FUS: variants seen among roughly 807,000 people sequenced by gnomAD.
FUS encodes the protein FUS RNA binding protein, also known as RNA-binding protein FUS.
FUS carries 5 observed loss-of-function variants against 82.7 expected under a neutral mutation model. The observed-to-expected ratio is 0.06, with a 90% CI of 0.03 to 0.13. FUS has a LOEUF of 0.13. Among genes scored for constraint, FUS ranks in the 10% least tolerant of loss-of-function variants. The probability of loss-of-function intolerance (pLI) is 1.00; values close to 1 mark genes in which losing one functional copy is unlikely to be tolerated. For synonymous variants in FUS, 281 were observed against 247.4 expected (o/e 1.14, Z -1.27); for missense variants, 512 against 707.8 (o/e 0.72, Z 3.14).
At position 31,182,571 on chromosome 16, in the gene FUS, T is replaced by G; in HGVS notation, c.97T>G (p.Tyr33Asp). ...CTATTCCCAGCAGAGCAGTCAGCCC[T>G]ACGGACAGCAGAGTTACAGTGGTTA... Reference protein sequence around the residue: ...QGYSQQSSQPYGQQSYSGYSQ... With the variant: ...QGYSQQSSQPDGQQSYSGYSQ... The change falls in exon 3 of 15, where the codon TAC (tyrosine) becomes GAC (aspartate). Residue 33 changes from tyrosine to aspartate, a missense_variant. Tyr to Asp is a radical substitution (Grantham distance 160). Around this residue, in one of 6 missense-constraint regions of FUS, gnomAD observed 276 missense variants for 303.3 expected, o/e 0.91. Coordinates refer to ENST00000254108, the MANE Select transcript of FUS (RefSeq NM_004960.4). The G allele has an allele frequency of 1.2e-6, 2 of 1,614,170 alleles. No homozygotes were observed. The highest frequency in any genetic ancestry group is 8.5e-7 in the Non-Finnish European group (1 of 1,180,016).
At chr16:31,189,972 C>T (rs538248567) in intron 10 of FUS, 68 bp from the exon 11 acceptor site, 2 of 1,557,334 alleles carry the variant, frequency 1.3e-6, no homozygotes, top group Middle Eastern at 3.8e-4. Flanking sequence ...GAAAGGCACG[C>T]TTCTCTTGTA....
In FUS at chr16:31,182,374, T is replaced by C. The variant is rs540277997; in HGVS notation, c.14-24T>C. On this transcript the variant is annotated intron_variant, in intron 1 of 14. Transcript: ENST00000254108. ...CTTTCAGAGTGGCAGCTGAAGATAA[T>C]GTGATTGTATTTTTCTTTTGCAGAT... The C allele has an allele frequency of 4.5e-5, 73 of 1,613,682 alleles. 1 individual carries two copies. In the East Asian group the frequency reaches 1.5e-3, roughly 34 times the overall value.
rs756437417 is a variant in FUS at position 31,185,061 on chromosome 16, CGCGGCAGGGGTGGCAGTGGTGGCGGCG to C, written c.652_678del (p.Arg218_Gly226del). On this transcript the variant is annotated inframe_deletion, in exon 6 of 15. Transcript: ENST00000254108. ...CTATGGACAGCAGGACCGTGGAGGC[CGCGGCAGGGGTGGCAGTGGTGGCGGCG>C]GCGGCGGCGGCGGTGGTGGTTACAA... 5.0e-6 allele frequency: 8 copies of C among 1,611,018 alleles called. No homozygotes were observed. The highest frequency in any genetic ancestry group is 6.8e-6 in the Non-Finnish European group (8 of 1,178,706).
At chr16:31,193,888 C>T (rs963291658), downstream of FUS, 2 of 528,016 alleles carry the variant, frequency 3.8e-6, no homozygotes, top group African/African-American at 3.7e-5. Flanking sequence ...CTCAAGTGAC[C>T]TGCCTGCCTC....
intron 8 of FUS, chr16:31,188,618 G>C: frequency 3.5e-6 from 2 of 577,358 alleles, no homozygotes; most frequent in Non-Finnish European, 6.1e-6. Flanking sequence ...CCCCAGTGAT[G>C]CTGATGCGTC....
chr16:31,190,974 G>A lies in FUS; in HGVS notation c.1405G>A (p.Gly469Arg). 4 of 1,613,464 alleles carry A rather than the reference G, an allele frequency of 2.5e-6. No individual in the cohort carries two copies. Among genetic ancestry groups the A allele is most frequent in the Non-Finnish European group, 2.5e-6 (3 of 1,179,622 alleles). The change falls in exon 14 of 15, where the codon GGG (glycine) becomes AGG (arginine). Residue 469 changes from glycine (G) to arginine (R), a missense_variant. This residue lies in a region of FUS where 96 missense variants were observed against 120.7 expected (regional missense o/e 0.80). Transcript: ENST00000254108. The stretch of plus-strand genomic sequence containing the variant: ...TTCTTTTGTCCTAGGGGGTAACTAC[G>A]GGGATGATCGTCGTGGTGGCAGAGG... ...PGGSHMGGNY[G>R]DDRRGGRGGY...
chr16:31,182,749 T>C, intron 3 of FUS, 85 bp downstream of exon 3: 1 of 1,558,486 alleles, frequency 6.4e-7, no homozygotes, highest in Non-Finnish European at 8.8e-7. Flanking sequence ...CGGAGTCTGG[T>C]CCTGTTGCCC....
chr16:31,194,092 TG>T (rs1417151124), downstream of FUS: 1 of 534,216 alleles, frequency 1.9e-6, no homozygotes, highest in African/African-American at 1.9e-5. Flanking sequence ...CCTTCCTTGA[TG>T]TAGCCTTCAG....
chr16:31,194,343 C>A, downstream of FUS: 1 of 520,584 alleles, frequency 1.9e-6, no homozygotes, highest in Non-Finnish European at 3.7e-6. Context: ...GGCTGGATTG[C>A]AGTGGTGTGA....
At chr16:31,192,461 T>A (rs1229623787), downstream of FUS, 2 of 519,564 alleles carry the variant, frequency 3.8e-6, no homozygotes, top group Non-Finnish European at 7.5e-6. Flanking sequence ...AGGTTTTATT[T>A]ACAGGGTTTT....
chr16:31,194,496 C>A (rs2144157429), downstream of FUS: 1 of 499,750 alleles, frequency 2.0e-6, no homozygotes, highest in Admixed American at 2.3e-5. Context: ...TGGGGTCTTG[C>A]CATGTTGCTC....
At chr16:31,189,096 T>A in intron 8 of FUS, 27 bp from the exon 9 acceptor site, 1 of 1,548,418 alleles carries the variant, frequency 6.5e-7, no homozygotes, top group Non-Finnish European at 8.9e-7. Context: ...CCTTTTCACA[T>A]TTGCATTTTC....
chr16:31,191,034 G>GGGGACC lies in FUS; in HGVS notation c.1467_1472dup (p.Asp490_Arg491dup). On this transcript the variant is annotated inframe_insertion, in exon 14 of 15. Transcript: ENST00000254108. The stretch of plus-strand genomic sequence containing the variant: ...TCGAGGCGGCTACCGGGGCCGCGGC[G>GGGGACC]GGGACCGTGGAGGCTTCCGAGGGGG... The GGGGACC allele has an allele frequency of 2.5e-6, 4 of 1,613,912 alleles. No individual in the cohort carries two copies. The highest frequency in any genetic ancestry group is 3.4e-6 in the Non-Finnish European group (4 of 1,179,996).
In FUS at chr16:31,191,561, T is replaced by A; in HGVS notation, c.*123T>A. 9.8e-7 allele frequency: 1 copy of A among 1,023,184 alleles called. No homozygotes were observed. The highest frequency in any genetic ancestry group is 1.5e-6 in the Non-Finnish European group (1 of 656,398). The allele number at this position is 1,023,184 out of a possible 1,614,324, so 63.4% of individuals were successfully genotyped here. On this transcript the variant is annotated 3_prime_UTR_variant, in exon 15 of 15. Transcript: ENST00000254108. ...TTTTTTGTGTCGGACTATGTAATTG[T>A]AACTATACCTCTGGTTCCCATTAAA... is the stretch of plus-strand genomic sequence containing the variant.
intron 12 of FUS, 163 bp from the exon 13 acceptor site, chr16:31,190,579 C>G: frequency 8.5e-7 from 1 of 1,169,900 alleles, no homozygotes; most frequent in Non-Finnish European, 1.3e-6. Context: ...GGATTGGGTT[C>G]AGTAATACTG....
At position 31,180,214 on chromosome 16, in the gene FUS, C is replaced by T; in HGVS notation, c.-1C>T. 1 of 1,611,276 alleles carries T rather than the reference C, an allele frequency of 6.2e-7. No individual in the cohort carries two copies. The highest frequency in any genetic ancestry group is 8.5e-7 in the Non-Finnish European group (1 of 1,178,790). On this transcript the variant is annotated 5_prime_UTR_variant, in exon 1 of 15. Transcript: ENST00000254108. ...GCTTGCCTGTGCGCGCGTGCGCGGA[C>T]ATGGCCTCAAACGGTAGGTAAGGGC... is the stretch of plus-strand genomic sequence containing the variant.
intron 14 of FUS, 87 bp from the exon 15 acceptor site, chr16:31,191,312 G>GT (rs2079354944): frequency 1.9e-6 from 3 of 1,555,716 alleles, no homozygotes; most frequent in Non-Finnish European, 2.7e-6. Context: ...GCTGGGTTAG[G>GT]TAGGAGGGGC....
intron 3 of FUS, chr16:31,182,948 T>C: frequency 2.3e-6 from 1 of 427,680 alleles, no homozygotes; most frequent in South Asian, 2.1e-5. Flanking sequence ...ACTCCTGACC[T>C]CCTGCCTGCC....
At chr16:31,183,290 A>AC (rs2079209288) in intron 3 of FUS, 2 of 169,502 alleles carry the variant, frequency 1.2e-5, no homozygotes, top group African/African-American at 4.8e-5. Flanking sequence ...AAAAAAAAAA[A>AC]CAAAAAACAA....
Sources: gnomAD v4.1 joint callset for allele counts on GRCh38, gnomAD v4.1.1 for gene constraint, gnomAD v4.1.1 regional missense constraint, MANE v1.5 for transcripts, NCBI Gene and HGNC (gene_info 2026-07-23, HGNC 2026-07-21) for gene names.